IMMP2L: variants seen among roughly 807,000 people sequenced by gnomAD.
IMMP2L encodes mitochondrial inner membrane protease subunit 2.
In IMMP2L, 18 loss-of-function variants were observed where a neutral mutation model predicts 19.3. That is an observed-to-expected ratio of 0.93 (90% CI 0.64 to 1.38). The LOEUF is 1.38. IMMP2L is among the 40% of genes most tolerant of loss of function. The pLI is 0.00. For synonymous variants in IMMP2L, 76 were observed against 73.0 expected (o/e 1.04, Z -0.21); for missense variants, 233 against 218.2 (o/e 1.07, Z -0.43).
rs928870328 is a variant in IMMP2L at position 110,870,471 on chromosome 7, C to T, written c.408+16122G>A. On this transcript the variant is annotated intron_variant, in intron 5 of 5. Transcript: ENST00000405709. This position sits in a 1 kb window ranked among gnomAD's most constrained non-coding sequence, Gnocchi z 4.2. ...TCCTGACCTCATGAAGCTCAATTTT[C>T]TATTGGAGGAGATAAAAATATAAAC... Among the ~76,000 whole-genome samples the T allele has an allele frequency of 1.3e-5, 2 of 152,038 alleles. No homozygotes were observed. The highest frequency in any genetic ancestry group is 4.8e-5 in the African/African-American group (2 of 41,418).
chr7:111,142,048 A>G (rs189769933), intron 3 of IMMP2L, among the ~76,000 whole-genome samples: 1 of 152,258 alleles, frequency 6.6e-6, no homozygotes, highest in East Asian at 1.9e-4. Context: ...ACACAGGGTC[A>G]GGCACGGTGG....
chr7:111,482,467 G>GC (rs774122998), intron 3 of IMMP2L, among the ~76,000 whole-genome samples: 21 of 152,140 alleles, frequency 1.4e-4, no homozygotes, highest in Admixed American at 2.6e-4. Flanking sequence ...GAGAAAGGAA[G>GC]CCCCCCATCG....
chr7:111,512,997 G>T (rs752488154), intron 2 of IMMP2L, among the ~76,000 whole-genome samples: 2 of 151,926 alleles, frequency 1.3e-5, no homozygotes, highest in Non-Finnish European at 2.9e-5. Context: ...AAAACTACCT[G>T]AAACTGTAAA....
chr7:111,108,267 T>G (rs1041487864), intron 3 of IMMP2L, among the ~76,000 whole-genome samples: 1 of 152,176 alleles, frequency 6.6e-6, no homozygotes, highest in Non-Finnish European at 1.5e-5. Flanking sequence ...TAACACTCAA[T>G]TATATTAATG....
chr7:111,123,996 G>A lies in IMMP2L; in HGVS notation c.240-160431C>T, dbSNP rs778483109. 6.2e-7 allele frequency: 1 copy of A among 1,613,920 alleles called. No individual in the cohort carries two copies. Among genetic ancestry groups the A allele is most frequent in the Non-Finnish European group, 8.5e-7 (1 of 1,179,986 alleles). On this transcript the variant is annotated intron_variant, in intron 3 of 5. Transcript: ENST00000405709. The surrounding 1 kb of genome is among the most constrained non-coding windows in gnomAD (Gnocchi z 6.4). Reference sequence around the variant, plus strand: ...CTGAATTCCAAGGTCAGAATGTTCGGCAAGTGCATTTCAGGGACATGATGG... The same window carrying A: ...CTGAATTCCAAGGTCAGAATGTTCGACAAGTGCATTTCAGGGACATGATGG...
intron 2 of IMMP2L, among the ~76,000 whole-genome samples, chr7:111,515,143 T>C (rs573078005): frequency 1.3e-5 from 2 of 152,226 alleles, no homozygotes; most frequent in South Asian, 2.1e-4. Flanking sequence ...AACTTTATCT[T>C]TGGGATTCTA....
At chr7:110,819,346 C>A (rs1802824945) in intron 5 of IMMP2L, among the ~76,000 whole-genome samples, 1 of 151,854 alleles carries the variant, frequency 6.6e-6, no homozygotes, top group Non-Finnish European at 1.5e-5. Context: ...GGCCTTCAAG[C>A]CCAAGCAGTT....
At chr7:110,717,092 A>C (rs1795276617) in intron 5 of IMMP2L, among the ~76,000 whole-genome samples, 1 of 152,184 alleles carries the variant, frequency 6.6e-6, no homozygotes, top group Admixed American at 6.5e-5. Flanking sequence ...ATGAAGAAGA[A>C]GGTAGCGGAT....
intron 3 of IMMP2L, among the ~76,000 whole-genome samples, chr7:111,329,501 TAA>T (rs933565239): frequency 6.6e-6 from 1 of 151,834 alleles, no homozygotes; most frequent in African/African-American, 2.4e-5. Flanking sequence ...AACCATGATT[TAA>T]AACCACTGCT....
At position 111,130,176 on chromosome 7, in the gene IMMP2L, A is replaced by G. The variant is rs1801710962; in HGVS notation, c.240-166611T>C. 2.0e-5 allele frequency among the ~76,000 whole-genome samples: 3 copies of G among 152,170 alleles called. 1 individual carries two copies. Among genetic ancestry groups the G allele is most frequent in the Non-Finnish European group, 4.4e-5 (3 of 68,000 alleles). On this transcript the variant is annotated intron_variant, in intron 3 of 5. Coordinates refer to ENST00000405709, the MANE Select transcript of IMMP2L (RefSeq NM_032549.4). ...CTTTGAAATAAGCCATAGAGCATATACCAACGAAGGGTGTAAATAACTCAC... is the reference window on the plus strand; with the variant it reads ...CTTTGAAATAAGCCATAGAGCATATGCCAACGAAGGGTGTAAATAACTCAC...
intron 1 of IMMP2L, among the ~76,000 whole-genome samples, chr7:111,560,561 G>A (rs936199076): frequency 2.6e-5 from 4 of 152,110 alleles, no homozygotes; most frequent in Non-Finnish European, 5.9e-5. Flanking sequence ...CTAGAAAGGC[G>A]GAATAATAAT....
chr7:110,858,759 C>T (rs1305318357), intron 5 of IMMP2L, among the ~76,000 whole-genome samples: 2 of 151,922 alleles, frequency 1.3e-5, no homozygotes, highest in East Asian at 1.9e-4. Flanking sequence ...CCTCCTCCCC[C>T]GACCCCACAA....
chr7:111,067,699 T>C (rs1794630717), intron 3 of IMMP2L, among the ~76,000 whole-genome samples: 3 of 152,044 alleles, frequency 2.0e-5, no homozygotes, highest in South Asian at 2.1e-4. Context: ...AAAGAGACTA[T>C]GAGGAAAAAG....
intron 4 of IMMP2L, among the ~76,000 whole-genome samples, chr7:110,943,399 T>C (rs1053246152): frequency 6.6e-6 from 1 of 151,996 alleles, no homozygotes; most frequent in African/African-American, 2.4e-5. Context: ...TTGTTCAAAA[T>C]ATTTGTTTCC....
At chr7:110,732,968 T>C (rs1459564783) in intron 5 of IMMP2L, among the ~76,000 whole-genome samples, 1 of 152,030 alleles carries the variant, frequency 6.6e-6, no homozygotes, top group Non-Finnish European at 1.5e-5. Context: ...AAAAATATTC[T>C]GTAGAGAGGG....
chr7:111,044,509 C>T (rs763200799), intron 3 of IMMP2L, among the ~76,000 whole-genome samples: 2 of 151,980 alleles, frequency 1.3e-5, no homozygotes, highest in Non-Finnish European at 2.9e-5. Context: ...TGCAGTGAGC[C>T]GAGATTGCAC....
At chr7:111,071,752 T>G (rs1309677853) in intron 3 of IMMP2L, among the ~76,000 whole-genome samples, 1 of 152,122 alleles carries the variant, frequency 6.6e-6, no homozygotes, top group Non-Finnish European at 1.5e-5. Context: ...AATAACTGCT[T>G]AATGGGTACA....
intron 3 of IMMP2L, among the ~76,000 whole-genome samples, chr7:111,223,358 T>A (rs1342936124): frequency 6.6e-6 from 1 of 152,018 alleles, no homozygotes; most frequent in Non-Finnish European, 1.5e-5. Context: ...TTATTCTCTA[T>A]CATTTGCAGT....
chr7:111,138,037 G>A (rs565322232), intron 3 of IMMP2L, among the ~76,000 whole-genome samples: 3 of 152,018 alleles, frequency 2.0e-5, no homozygotes, highest in South Asian at 2.1e-4. Flanking sequence ...CCCATGTTGC[G>A]CAGGCTGGTC....
Sources: allele counts gnomAD v4.1 joint callset (sites outside exome capture counted in the v4.1 genomes callset), GRCh38; gene constraint gnomAD v4.1.1; non-coding constraint Gnocchi (gnomAD v3.1); transcripts MANE v1.5; gene names NCBI Gene and HGNC (gene_info 2026-07-23, HGNC 2026-07-21).